FGF17: variants seen among roughly 807,000 people sequenced by gnomAD.
FGF17 encodes the protein fibroblast growth factor 17.
In FGF17, 5 loss-of-function variants were observed where a neutral mutation model predicts 23.5. The observed-to-expected ratio is 0.21, with a 90% confidence interval of 0.11 to 0.45. FGF17 has a LOEUF of 0.45. Among genes scored for constraint, FGF17 ranks in the 20% least tolerant of loss-of-function variants. The pLI is 0.99. For synonymous variants in FGF17, 136 were observed against 123.0 expected, an observed-to-expected ratio of 1.11 and a Z score of -0.70; for missense variants, 221 against 306.9, an observed-to-expected ratio of 0.72 and a Z score of 2.09.
At chr8:22,043,042 A>G in intron 1 of FGF17, 79 bp downstream of exon 1, 1 of 1,596,924 alleles carries the variant, frequency 6.3e-7, no homozygotes, top group Non-Finnish European at 8.6e-7. Context: ...CGGGACTCCC[A>G]CGCGTGCGTG....
chr8:22,042,650 G>A (rs3176264), upstream of FGF17: 202 of 596,096 alleles, frequency 3.4e-4, 1 homozygote, highest in African/African-American at 3.5e-3. Context: ...TGGCAGCCCA[G>A]AGGGCACAGC....
chr8:22,040,959 G>A (rs1210846806), upstream of FGF17, among the ~76,000 whole-genome samples: 1 of 152,216 alleles, frequency 6.6e-6, no homozygotes, highest in Non-Finnish European at 1.5e-5. Flanking sequence ...AGGATCCGCA[G>A]GGGGAAAGCA....
chr8:22,041,815 G>A (rs1276081683), upstream of FGF17, among the ~76,000 whole-genome samples: 3 of 152,178 alleles, frequency 2.0e-5, no homozygotes, highest in Non-Finnish European at 2.9e-5. Flanking sequence ...CTGCAAAATG[G>A]GCTAGTCGCT....
In FGF17 at chr8:22,047,994, C is replaced by T; in HGVS notation, c.396C>T (p.Ile132=). 1.2e-6 allele frequency: 2 copies of T among 1,606,990 alleles called. No homozygotes were observed. Among genetic ancestry groups the T allele is most frequent in the East Asian group, 2.2e-5 (1 of 44,632 alleles). Residue 132 remains isoleucine (I), a synonymous_variant, in exon 5 of 5, where the codon ATC becomes ATT. Coordinates refer to ENST00000359441, the MANE Select transcript of FGF17 (RefSeq NM_003867.4). ...GCAAAGACTGCGTGTTCACGGAGAT[C>T]GTGCTGGAGAACAACTATACGGCCT... ...GKSKDCVFTE[I]VLENNYTAFQ...
In FGF17 at chr8:22,048,041, G is replaced by A; in HGVS notation, c.443G>A (p.Gly148Asp). 1 of 1,613,218 alleles carries A rather than the reference G, an allele frequency of 6.2e-7. No homozygotes were observed. Among genetic ancestry groups the A allele is most frequent in the Non-Finnish European group, 8.5e-7 (1 of 1,179,678 alleles). Residue 148 changes from glycine to aspartate, a missense_variant, in exon 5 of 5, where the codon GGC (glycine) becomes GAC (aspartate). By Grantham distance (94) the Gly-to-Asp change is moderately conservative. Transcript: ENST00000359441. This position sits in a 1 kb window ranked among gnomAD's most constrained non-coding sequence, Gnocchi z 6.9. ...YTAFQNARHEGWFMAFTRQGR... is the reference protein window; with the variant it reads ...YTAFQNARHEDWFMAFTRQGR... ...GCCTTCCAGAACGCCCGGCACGAGG[G>A]CTGGTTCATGGCCTTCACGCGGCAG...
At chr8:22,040,350 G>A (rs536514300), upstream of FGF17, among the ~76,000 whole-genome samples, 9 of 152,352 alleles carry the variant, frequency 5.9e-5, no homozygotes, top group South Asian at 6.2e-4. Flanking sequence ...GCAAAGGGGC[G>A]GGGATAAAAT....
chr8:22,048,212 G>A lies in FGF17; in HGVS notation c.614G>A (p.Arg205Gln), dbSNP rs766924668. The A allele has an allele frequency of 2.0e-5, 32 of 1,610,946 alleles. No individual in the cohort carries two copies. The highest frequency in any genetic ancestry group is 2.5e-5 in the Non-Finnish European group (29 of 1,179,176). ...FEFVGSAPTR[R>Q]TKRTRRPQPL... ...TTTGTGGGCTCCGCCCCCACCCGCC[G>A]GACCAAGCGCACACGGCGGCCCCAG... The change falls in exon 5 of 5, where the codon CGG becomes CAG. Residue 205 changes from arginine to glutamine, a missense_variant. Physicochemically the swap from Arg to Gln is conservative, Grantham distance 43. Transcript: ENST00000359441. The surrounding 1 kb of genome is among the most constrained non-coding windows in gnomAD (Gnocchi z 6.9).
Position 22,042,862 on chromosome 8 carries a change from G to A in FGF17, c.-67G>A. On this transcript the variant is annotated 5_prime_UTR_variant, in exon 1 of 5. Transcript: ENST00000359441. ...TGGCTTCTCTGGGACTCTACCCCTG[G>A]GGACTTCCCACATCTGCTCCTGAGC... The A allele has an allele frequency of 6.4e-7, 1 of 1,568,704 alleles. No homozygotes were observed. Among genetic ancestry groups the A allele is most frequent in the Non-Finnish European group, 8.7e-7 (1 of 1,142,950 alleles).
In FGF17 at chr8:22,047,140, T is replaced by C. The variant is rs144541136; in HGVS notation, c.357+507T>C. On this transcript the variant is annotated intron_variant, in intron 4 of 4. Coordinates refer to ENST00000359441, the MANE Select transcript of FGF17 (RefSeq NM_003867.4). ...GACTCTATTAGCCCTCTGAGGGGAC[T>C]GGCAAGCCACTGGGATCTGTGGGGC... is the stretch of plus-strand genomic sequence containing the variant. Among the ~76,000 whole-genome samples, 201 of 152,270 alleles carry C rather than the reference T, an allele frequency of 1.3e-3. 2 individuals carry two copies. The highest frequency in any genetic ancestry group is 4.4e-3 in the African/African-American group (184 of 41,552).
At chr8:22,046,377 T>A in intron 3 of FGF17, 86 bp downstream of exon 3, 1 of 1,530,108 alleles carries the variant, frequency 6.5e-7, no homozygotes, top group East Asian at 2.3e-5. Context: ...CATCCCCAGA[T>A]CCTGTGTCAG....
At chr8:22,043,614 G>A (rs1339564311) in intron 2 of FGF17, among the ~76,000 whole-genome samples, 1 of 152,108 alleles carries the variant, frequency 6.6e-6, no homozygotes, top group African/African-American at 2.4e-5. Flanking sequence ...CTGGGGTGGG[G>A]GTCTCGTGAG....
Position 22,042,957 on chromosome 8 carries a change from T to C in FGF17, c.29T>C (p.Leu10Pro). The C allele has an allele frequency of 6.2e-7, 1 of 1,613,252 alleles. No homozygotes were observed. The part of the protein sequence containing the change: MGAARLLPN[L>P]TLCLQLLILC... ...GGAGCCGCCCGCCTGCTGCCCAACCTCACTCTGTAAGTGTGCTACCTCTCC... is the reference window on the plus strand; with the variant it reads ...GGAGCCGCCCGCCTGCTGCCCAACCCCACTCTGTAAGTGTGCTACCTCTCC... Residue 10 changes from leucine (L) to proline (P), a missense_variant, in exon 1 of 5, where the codon CTC (leucine) becomes CCC (proline). Leu to Pro is a moderately conservative substitution (Grantham distance 98). This residue lies in a region of FGF17 where 35 missense variants were observed against 35.5 expected (regional missense o/e 0.99). Transcript: ENST00000359441.
intron 2 of FGF17, chr8:22,044,550 G>A (rs771925697): frequency 5.6e-5 from 19 of 337,230 alleles, no homozygotes; most frequent in South Asian, 4.7e-4. Context: ...GGAGGCCGTC[G>A]GCCAAGAGGG....
In FGF17 at chr8:22,046,549, C is replaced by T; in HGVS notation, c.273C>T (p.Asp91=). 1 of 1,613,694 alleles carries T rather than the reference C, an allele frequency of 6.2e-7. No individual in the cohort carries two copies. The highest frequency in any genetic ancestry group is 1.7e-5 in the Admixed American group (1 of 59,852). The change falls in exon 4 of 5, where the codon GAC becomes GAT. Residue 91 remains aspartate (D), a synonymous_variant. Coordinates refer to ENST00000359441, the MANE Select transcript of FGF17 (RefSeq NM_003867.4). The part of the protein sequence containing the change: ...NKFAKLIVET[D]TFGSRVRIKG... ...CAGCCAAGCTCATAGTGGAGACGGACACGTTTGGCAGCCGGGTTCGCATCA... is the reference window on the plus strand; with the variant it reads ...CAGCCAAGCTCATAGTGGAGACGGATACGTTTGGCAGCCGGGTTCGCATCA...
chr8:22,040,484 G>T (rs1216152598), upstream of FGF17, among the ~76,000 whole-genome samples: 1 of 152,236 alleles, frequency 6.6e-6, no homozygotes, highest in African/African-American at 2.4e-5. Context: ...AGGAGCCACA[G>T]CTGTCTTGCC....
At chr8:22,042,762 C>A, upstream of FGF17, 1 of 647,874 alleles carries the variant, frequency 1.5e-6, no homozygotes, top group African/African-American at 1.8e-5. Flanking sequence ...CCCCCTCCTC[C>A]TCCCTCTTTT....
chr8:22,046,491 G>A (rs767670173), intron 3 of FGF17, 36 bp from the exon 4 acceptor site: 95 of 1,559,604 alleles, frequency 6.1e-5, no homozygotes, highest in South Asian at 1.4e-4. Flanking sequence ...CGGCAGCCCC[G>A]ATGGACGGAG....
At chr8:22,047,898 G>C in intron 4 of FGF17, 58 bp from the exon 5 acceptor site, 2 of 1,536,002 alleles carry the variant, frequency 1.3e-6, no homozygotes, top group South Asian at 2.5e-5. Context: ...CCGTAAGGGC[G>C]ACACCCCAGA....
upstream of FGF17, among the ~76,000 whole-genome samples, chr8:22,039,696 C>G (rs1800710639): frequency 1.3e-5 from 2 of 152,082 alleles, no homozygotes; most frequent in Admixed American, 6.6e-5. Flanking sequence ...CCATTGCACT[C>G]CAGCCTGAAC....
Sources: allele counts gnomAD v4.1 joint callset (sites outside exome capture counted in the v4.1 genomes callset), GRCh38; gene constraint gnomAD v4.1.1; regional missense constraint gnomAD v4.1.1; non-coding constraint Gnocchi (gnomAD v3.1); transcripts MANE v1.5; gene names NCBI Gene and HGNC (gene_info 2026-07-23, HGNC 2026-07-21).